Variants in ITGA6 observed in about 807,000 individuals in gnomAD.
ITGA6 encodes the protein integrin subunit alpha 6.
ITGA6 carries 63 observed loss-of-function variants against 133.6 expected under a neutral mutation model. That is an observed-to-expected ratio of 0.47 (90% CI 0.38 to 0.58). The LOEUF (loss-of-function observed/expected upper bound fraction) is 0.58, where lower values mean the gene tolerates loss of function less well. Ranked by LOEUF, ITGA6 falls within the 20% of genes least tolerant of loss-of-function variation. The pLI, the probability that ITGA6 is intolerant of heterozygous loss-of-function variation, is 0.00. For missense variants in ITGA6, 1,068 were observed against 1,309.4 expected, an observed-to-expected ratio of 0.82 and a Z score of 2.85; for synonymous variants, 434 against 482.0, an observed-to-expected ratio of 0.90 and a Z score of 1.30.
chr2:172,447,858 C>T (rs765900186), intron 1 of ITGA6, among the ~76,000 whole-genome samples: 1 of 152,016 alleles, frequency 6.6e-6, no homozygotes, highest in Admixed American at 6.6e-5. Context: ...TCCCCCGGTA[C>T]GTGGTAAAGA....
chr2:172,476,596 C>T, intron 9 of ITGA6, 83 bp downstream of exon 9: 2 of 823,812 alleles, frequency 2.4e-6, no homozygotes, highest in Non-Finnish European at 2.2e-6. Context: ...TGAAATTTGT[C>T]ATACCTATAC....
chr2:172,450,042 C>T (rs891560449), intron 1 of ITGA6, among the ~76,000 whole-genome samples: 2 of 151,774 alleles, frequency 1.3e-5, no homozygotes, highest in South Asian at 2.1e-4. Context: ...GAAGCGACTG[C>T]GGTTACTCTG....
At chr2:172,479,275 T>G (rs1410468642) in intron 9 of ITGA6, among the ~76,000 whole-genome samples, 3 of 152,332 alleles carry the variant, frequency 2.0e-5, no homozygotes, top group East Asian at 3.9e-4. Context: ...TTAGTTGAAA[T>G]TATACATATA....
At position 172,480,503 on chromosome 2, in the gene ITGA6, C is replaced by T. The variant is rs118061135; in HGVS notation, c.1549+452C>T. 5.8e-4 allele frequency among the ~76,000 whole-genome samples: 89 copies of T among 152,220 alleles called. No individual in the cohort carries two copies. In the East Asian group the frequency reaches 0.013, roughly 22 times the overall value. ...CAGGCTGCCTTCTCTTCCCCACGCCCCTCCCTCCCGGAACACCCGCCCTGT... is the reference window on the plus strand; with the variant it reads ...CAGGCTGCCTTCTCTTCCCCACGCCTCTCCCTCCCGGAACACCCGCCCTGT... On this transcript the variant is annotated intron_variant, in intron 11 of 25. Coordinates refer to ENST00000684293, the MANE Select transcript of ITGA6 (RefSeq NM_000210.4).
At chr2:172,479,775 G>A in intron 10 of ITGA6, 36 bp downstream of exon 10, 5 of 1,552,044 alleles carry the variant, frequency 3.2e-6, no homozygotes, top group South Asian at 1.1e-5. Context: ...ATCCCCCTCA[G>A]TTTCCCACCT....
intron 11 of ITGA6, among the ~76,000 whole-genome samples, chr2:172,482,412 A>C (rs952657364): frequency 6.6e-6 from 1 of 152,232 alleles, no homozygotes; most frequent in Non-Finnish European, 1.5e-5. Context: ...ATTTTAGCTC[A>C]GCAGTCCTCA....
intron 1 of ITGA6, among the ~76,000 whole-genome samples, chr2:172,458,219 G>A (rs1574348842): frequency 1.3e-5 from 2 of 151,566 alleles, no homozygotes; most frequent in African/African-American, 4.9e-5. Context: ...AGCTTAAATT[G>A]ATTACAATGC....
In ITGA6 at chr2:172,486,176, C is replaced by CAAAAAAAAAA. The variant is rs67271824; in HGVS notation, c.1855-835_1855-826dup. Among the ~76,000 whole-genome samples, 316 of 77,250 alleles carry CAAAAAAAAAA rather than the reference C, an allele frequency of 4.1e-3. 8 individuals are homozygous for CAAAAAAAAAA. Among genetic ancestry groups the CAAAAAAAAAA allele is most frequent in the East Asian group, 7.0e-3 (11 of 1,572 alleles). 50.7% of individuals were successfully genotyped at this position (77,250 alleles called of 152,430 possible). A position where few individuals can be genotyped will look rare whatever the true frequency, so the allele number is the denominator to read the frequency against. ...GGCAAAAAGAGTAAGACTCTATCTCCAAAAAAAAAAAAAAAAAAAAACAAC... is the reference window on the plus strand; with the variant it reads ...GGCAAAAAGAGTAAGACTCTATCTCCAAAAAAAAAAAAAAAAAAAAAAAAAAAAAAACAAC... On this transcript the variant is annotated intron_variant, in intron 13 of 25. Transcript: ENST00000684293.
intron 1 of ITGA6, among the ~76,000 whole-genome samples, chr2:172,464,013 T>C (rs1685541659): frequency 6.6e-6 from 1 of 152,198 alleles, no homozygotes; most frequent in Non-Finnish European, 1.5e-5. Context: ...TAAAAGTCTG[T>C]GTGTCAGTTC....
At chr2:172,434,106 T>TA (rs1409934160) in intron 1 of ITGA6, among the ~76,000 whole-genome samples, 2 of 152,218 alleles carry the variant, frequency 1.3e-5, no homozygotes, top group Non-Finnish European at 2.9e-5. Context: ...TTATTTTTCT[T>TA]AGTTTTTTGC....
rs183622640 is a variant in ITGA6 at position 172,436,659 on chromosome 2, C to T, written c.182+8689C>T. Among the ~76,000 whole-genome samples the T allele has an allele frequency of 1.3e-3, 198 of 152,268 alleles. 1 individual carries two copies. The highest frequency in any genetic ancestry group is 4.4e-3 in the African/African-American group (184 of 41,546). On this transcript the variant is annotated intron_variant, in intron 1 of 25. Transcript: ENST00000684293. The stretch of plus-strand genomic sequence containing the variant: ...GGATTTTTGTCTGTATTCGAACATG[C>T]AGGGAATGTGGTCTGGACCTGCCAG...
chr2:172,456,557 G>GGACAT (rs1685216277), intron 1 of ITGA6, among the ~76,000 whole-genome samples: 1 of 152,164 alleles, frequency 6.6e-6, no homozygotes, highest in South Asian at 2.1e-4. Flanking sequence ...GGGGAAACCT[G>GGACAT]GACATATGGC....
rs1686723851 is a variant in ITGA6, at chr2:172,487,245, GTTTTCTTATT to G, written c.1971-15_1971-6del. On this transcript the variant is annotated splice_polypyrimidine_tract_variant and intron_variant, in intron 14 of 25. Transcript: ENST00000684293. ...TTGAGGACTTTGCCTTTTTGTTCTT[GTTTTCTTATT>G]TTTAATAGTCAAAAAGGTGTACCAG... is the stretch of plus-strand genomic sequence containing the variant. 6.2e-7 allele frequency: 1 copy of G among 1,604,934 alleles called. No individual in the cohort carries two copies. Among genetic ancestry groups the G allele is most frequent in the Non-Finnish European group, 8.5e-7 (1 of 1,172,076 alleles).
In ITGA6 at chr2:172,469,309, G is replaced by T. The variant is rs1036639434; in HGVS notation, c.572G>T (p.Gly191Val). The T allele has an allele frequency of 6.2e-7, 1 of 1,614,146 alleles. No homozygotes were observed. The highest frequency in any genetic ancestry group is 1.1e-5 in the South Asian group (1 of 91,076). The change falls in exon 4 of 26, where the codon GGT becomes GTT. Residue 191 changes from glycine (G) to valine (V), a missense_variant. Around this residue, in one of 3 missense-constraint regions of ITGA6, gnomAD observed 317 missense variants for 456.9 expected, o/e 0.69. Transcript: ENST00000684293. ...GAGAAATTTGGCTCTTGCCAGCAAG[G>T]TGTAGCAGCTACTTTTACTAAAGAC... ...GHEKFGSCQQ[G>V]VAATFTKDFH...
upstream of ITGA6, chr2:172,427,492 G>C (rs1428023654): frequency 9.1e-7 from 1 of 1,096,182 alleles, no homozygotes; most frequent in Non-Finnish European, 1.1e-6. Context: ...GCGGTGCGCC[G>C]GGCCGCGGGC....
chr2:172,467,609 T>C (rs773154297), intron 3 of ITGA6, 49 bp downstream of exon 3: 1 of 1,409,582 alleles, frequency 7.1e-7, no homozygotes, highest in South Asian at 1.2e-5. Flanking sequence ...CTGCTGGTTA[T>C]GTGCCAGCAC....
At chr2:172,461,296 G>A (rs555648758) in intron 1 of ITGA6, among the ~76,000 whole-genome samples, 24 of 152,236 alleles carry the variant, frequency 1.6e-4, no homozygotes, top group South Asian at 1.0e-3. Flanking sequence ...TTAAGTGTGG[G>A]TTTCTGATAT....
intron 24 of ITGA6, 68 bp downstream of exon 24, chr2:172,498,168 C>T (rs1385498314): frequency 6.3e-6 from 9 of 1,431,490 alleles, no homozygotes; most frequent in Middle Eastern, 3.9e-4. Flanking sequence ...TGGGAATCAG[C>T]ACTGATAGTA....
Position 172,474,167 on chromosome 2 carries a change from G to A in ITGA6, c.888G>A (p.Met296Ile), listed in dbSNP as rs1333365602. 2 of 1,614,116 alleles carry A rather than the reference G, an allele frequency of 1.2e-6. No homozygotes were observed. The highest frequency in any genetic ancestry group is 1.7e-5 in the Admixed American group (1 of 60,018). Reference sequence around the variant, plus strand: ...CCGTGGTTTTGCTGAAGAGAGACATGAAGTCTGCACATCTCCTCCCTGAGC... The same window carrying A: ...CCGTGGTTTTGCTGAAGAGAGACATAAAGTCTGCACATCTCCTCCCTGAGC... ...SGAVVLLKRD[M>I]KSAHLLPEHI... The change falls in exon 6 of 26, where the codon ATG becomes ATA. Residue 296 changes from methionine to isoleucine, a missense_variant. Transcript: ENST00000684293.
Sources: gnomAD v4.1 joint callset for allele counts (sites outside exome capture counted in the v4.1 genomes callset) on GRCh38, gnomAD v4.1.1 for gene constraint, gnomAD v4.1.1 regional missense constraint, MANE v1.5 for transcripts, NCBI Gene and HGNC (gene_info 2026-07-23, HGNC 2026-07-21) for gene names.